HTR4: variants seen among roughly 807,000 people sequenced by gnomAD.
HTR4 encodes 5-hydroxytryptamine receptor 4.
A neutral mutation model predicts 36.8 loss-of-function variants in HTR4; 16 were observed. The ratio of observed to expected loss-of-function variants is 0.43; its 90% CI spans 0.29 to 0.66. The LOEUF is 0.66. HTR4 is among the 30% of genes least tolerant of loss of function. The pLI, the probability that HTR4 is intolerant of heterozygous loss-of-function variation, is 0.13. For missense variants in HTR4, 438 were observed against 490.9 expected (o/e 0.89, Z 1.02); for synonymous variants, 189 against 185.1 (o/e 1.02, Z -0.17).
chr5:148,547,234 A>C (rs1250643386), intron 4 of HTR4, among the ~76,000 whole-genome samples: 1 of 152,136 alleles, frequency 6.6e-6, no homozygotes, highest in Non-Finnish European at 1.5e-5. Flanking sequence ...TGGGAAGACT[A>C]TGATGTTAGT....
chr5:148,473,172 G>A (rs529306874), downstream of HTR4, among the ~76,000 whole-genome samples: 15 of 151,904 alleles, frequency 9.9e-5, no homozygotes, highest in African/African-American at 2.4e-4. Flanking sequence ...GGTTGTGGGC[G>A]CCTGTAGTCC....
chr5:148,481,728 C>A lies in HTR4; in HGVS notation c.*1475G>T. 3 of 1,434,602 alleles carry A rather than the reference C, an allele frequency of 2.1e-6. No individual in the cohort carries two copies. The highest frequency in any genetic ancestry group is 2.7e-6 in the Non-Finnish European group (3 of 1,104,274). 88.9% of individuals were successfully genotyped at this position (1,434,602 alleles called of 1,614,324 possible). ...ATCCTGAGATGCTATTAAACCACAG[C>A]CAAGATCAAAGTCAGAATCTCACAT... is the stretch of plus-strand genomic sequence containing the variant. On this transcript the variant is annotated 3_prime_UTR_variant, in exon 7 of 7. Transcript: ENST00000377888.
At chr5:148,614,119 C>T (rs1006914579) in intron 2 of HTR4, among the ~76,000 whole-genome samples, 9 of 152,104 alleles carry the variant, frequency 5.9e-5, no homozygotes, top group African/African-American at 1.4e-4. Flanking sequence ...AGGTAATTTA[C>T]AGATTCAATG....
At chr5:148,523,458 T>G in intron 4 of HTR4, 112 bp from the exon 5 acceptor site, 1 of 735,250 alleles carries the variant, frequency 1.4e-6, no homozygotes, top group Admixed American at 3.8e-5. Flanking sequence ...GAGCAAGGGA[T>G]AGAGAACAGC....
At chr5:148,627,015 A>C (rs1480951847) in intron 2 of HTR4, among the ~76,000 whole-genome samples, 1 of 152,084 alleles carries the variant, frequency 6.6e-6, no homozygotes, top group East Asian at 1.9e-4. Context: ...CTTCCTCCTC[A>C]TGCAATTCAT....
intron 6 of HTR4, among the ~76,000 whole-genome samples, chr5:148,487,740 C>T (rs532193070): frequency 3.3e-5 from 5 of 151,918 alleles, no homozygotes; most frequent in Non-Finnish European, 5.9e-5. Flanking sequence ...GTAGAGAGAG[C>T]GAGCTTAGAG....
chr5:148,454,689 C>T (rs760769923), intron 5 of HTR4, among the ~76,000 whole-genome samples: 1 of 152,182 alleles, frequency 6.6e-6, no homozygotes, highest in Non-Finnish European at 1.5e-5. Flanking sequence ...ATTTCCCTAT[C>T]AACAGACTCC....
chr5:148,472,249 T>C (rs1224119558), downstream of HTR4, among the ~76,000 whole-genome samples: 1 of 152,212 alleles, frequency 6.6e-6, no homozygotes, highest in African/African-American at 2.4e-5. Context: ...GTCTATTATT[T>C]TGCATTACTA....
At chr5:148,456,371 C>A (rs1348937170) in intron 5 of HTR4, among the ~76,000 whole-genome samples, 1 of 152,176 alleles carries the variant, frequency 6.6e-6, no homozygotes, top group African/African-American at 2.4e-5. Context: ...TGCTGGCTAA[C>A]TTTATGCACT....
chr5:148,497,674 T>C (rs1441411886), intron 6 of HTR4, among the ~76,000 whole-genome samples: 1 of 152,134 alleles, frequency 6.6e-6, no homozygotes, highest in African/African-American at 2.4e-5. Context: ...CAGATATTGG[T>C]GGGTGGGGAA....
chr5:148,633,724 T>C (rs1753416785), intron 2 of HTR4, among the ~76,000 whole-genome samples: 1 of 152,108 alleles, frequency 6.6e-6, no homozygotes, highest in Middle Eastern at 3.2e-3. Context: ...ATTGTCTCCC[T>C]CTTTCTGACA....
intron 4 of HTR4, among the ~76,000 whole-genome samples, chr5:148,541,508 G>A (rs1199694361): frequency 6.6e-6 from 1 of 152,128 alleles, no homozygotes; most frequent in African/African-American, 2.4e-5. Flanking sequence ...AATACTCCAT[G>A]GGAGCTCAGA....
Position 148,483,078 on chromosome 5 carries a change from C to A in HTR4, c.*125G>T. 1 of 1,507,460 alleles carries A rather than the reference C, an allele frequency of 6.6e-7. No homozygotes were observed. The highest frequency in any genetic ancestry group is 8.9e-7 in the Non-Finnish European group (1 of 1,122,390). The allele number at this position is 1,507,460 out of a possible 1,614,324, so 93.4% of individuals were successfully genotyped here. A position where few individuals can be genotyped will look rare whatever the true frequency, so the allele number is the denominator to read the frequency against. On this transcript the variant is annotated 3_prime_UTR_variant, in exon 7 of 7. Transcript: ENST00000377888. ...GGAAAAGCCCAGCGAGCACCGGGTT[C>A]CTGCACTGGCGGACGGAAAGCCTCA...
At chr5:148,552,857 A>G (rs1759765847) in intron 2 of HTR4, among the ~76,000 whole-genome samples, 1 of 152,218 alleles carries the variant, frequency 6.6e-6, no homozygotes, top group African/African-American at 2.4e-5. Flanking sequence ...GATGCATTAC[A>G]TAGTAAGTGC....
At chr5:148,625,149 C>T (rs1456256320) in intron 2 of HTR4, among the ~76,000 whole-genome samples, 4 of 152,002 alleles carry the variant, frequency 2.6e-5, no homozygotes, top group Non-Finnish European at 5.9e-5. Flanking sequence ...AGAAAGATGG[C>T]CAGTCGTCTG....
intron 2 of HTR4, among the ~76,000 whole-genome samples, chr5:148,589,671 C>A (rs1376777672): frequency 6.6e-6 from 1 of 151,898 alleles, no homozygotes; most frequent in East Asian, 1.9e-4. Flanking sequence ...GCATATTTTG[C>A]CATACAGAAG....
At chr5:148,560,205 TAAAAA>T (rs34166829) in intron 2 of HTR4, among the ~76,000 whole-genome samples, 1,433 of 91,432 alleles carry the variant, frequency 0.016, 18 homozygotes, top group Non-Finnish European at 0.024. Flanking sequence ...GCTTTTTTTT[TAAAAA>T]AAAAAAAAAA....
chr5:148,542,398 G>A (rs1759161058), intron 4 of HTR4, among the ~76,000 whole-genome samples: 1 of 152,172 alleles, frequency 6.6e-6, no homozygotes, highest in Non-Finnish European at 1.5e-5. Context: ...TTAAGAAAAT[G>A]CAGATACATT....
chr5:148,556,668 A>G (rs552822819), intron 2 of HTR4, among the ~76,000 whole-genome samples: 1 of 152,186 alleles, frequency 6.6e-6, no homozygotes, highest in Non-Finnish European at 1.5e-5. Context: ...ATTTATATTA[A>G]TCCACTGAGG....
Sources: allele counts gnomAD v4.1 joint callset (sites outside exome capture counted in the v4.1 genomes callset), GRCh38; gene constraint gnomAD v4.1.1; transcripts MANE v1.5; gene names NCBI Gene and HGNC (gene_info 2026-07-23, HGNC 2026-07-21).